The following HIF3A variants were observed in gnomAD, a reference collection of about 807,000 sequenced individuals.
HIF3A encodes hypoxia inducible factor 3 subunit alpha, also known as hypoxia-inducible factor 3-alpha.
In HIF3A, 41 loss-of-function variants were observed where a neutral mutation model predicts 67.2. That is an observed-to-expected ratio of 0.61 (90% CI 0.48 to 0.79). HIF3A has a LOEUF of 0.79. Among genes scored for constraint, HIF3A ranks in the 30% least tolerant of loss-of-function variants. The probability of loss-of-function intolerance (pLI) is 0.00; values close to 1 mark genes in which losing one functional copy is unlikely to be tolerated. For missense variants in HIF3A, 855 were observed against 898.0 expected, an observed-to-expected ratio of 0.95 and a Z score of 0.61; for synonymous variants, 356 against 374.8, an observed-to-expected ratio of 0.95 and a Z score of 0.58.
intron 6 of HIF3A, 88 bp downstream of exon 6, chr19:46,309,447 C>T (rs1969233303): frequency 5.3e-6 from 2 of 377,142 alleles, no homozygotes; most frequent in Non-Finnish European, 9.0e-6. Flanking sequence ...CTCTCTCCTT[C>T]TCTCTCTCTC....
At position 46,297,625 on chromosome 19, in the gene HIF3A, TCTC is replaced by T. The variant is rs1325104560; in HGVS notation, c.26+527_26+529del. 3.9e-5 allele frequency among the ~76,000 whole-genome samples: 6 copies of T among 151,944 alleles called. No homozygotes were observed. Among genetic ancestry groups the T allele is most frequent in the South Asian group, 2.1e-4 (1 of 4,826 alleles). ...GCTCCTGAGTTCAAGAGAGGAGAGATCTCCTCTAATAGTATGCTTCCTGACACA... is the reference window on the plus strand; with the variant it reads ...GCTCCTGAGTTCAAGAGAGGAGAGATCTCTAATAGTATGCTTCCTGACACA... On this transcript the variant is annotated intron_variant, in intron 1 of 14. Coordinates refer to ENST00000377670, the MANE Select transcript of HIF3A (RefSeq NM_152795.4). This position sits in a 1 kb window ranked among gnomAD's most constrained non-coding sequence, Gnocchi z 4.5.
rs1971952835 is a variant in HIF3A, at chr19:46,342,016, A to G, written c.*2394A>G. The G allele has an allele frequency of 6.6e-6, 1 of 152,152 alleles. No individual in the cohort carries two copies. The highest frequency in any genetic ancestry group is 2.4e-5 in the African/African-American group (1 of 41,420). The allele number at this position is 152,152 out of a possible 1,614,324, so 9.4% of individuals were successfully genotyped here. A position where few individuals can be genotyped will look rare whatever the true frequency, so the allele number is the denominator to read the frequency against. ...CTAGTTCTCCTAGATTCTGAACCTC[A>G]TGACCTGTACCACTCACTAGTTCCA... On this transcript the variant is annotated 3_prime_UTR_variant, in exon 15 of 15. Coordinates refer to ENST00000377670, the MANE Select transcript of HIF3A (RefSeq NM_152795.4).
intron 12 of HIF3A, among the ~76,000 whole-genome samples, chr19:46,329,821 T>C (rs754977197): frequency 8.6e-5 from 13 of 150,896 alleles, no homozygotes; most frequent in African/African-American, 1.2e-4. Context: ...CTAAGCCGGG[T>C]GTGGTGGTGC....
At chr19:46,309,778 C>T (rs997280573) in intron 6 of HIF3A, among the ~76,000 whole-genome samples, 8 of 152,102 alleles carry the variant, frequency 5.3e-5, no homozygotes, top group Non-Finnish European at 1.0e-4. Context: ...GCCCAGCACA[C>T]AGGAAGCATT....
At position 46,339,709 on chromosome 19, in the gene HIF3A, G is replaced by A. The variant is rs1042617661; in HGVS notation, c.*87G>A. On this transcript the variant is annotated 3_prime_UTR_variant, in exon 15 of 15. Transcript: ENST00000377670. The stretch of plus-strand genomic sequence containing the variant: ...CCGGCAGCCAACGCACAGGATGGGG[G>A]CGCCAGGAGAGGGGCCCCTCTCTCC... 6.2e-6 allele frequency: 6 copies of A among 974,850 alleles called. No individual in the cohort carries two copies. Among genetic ancestry groups the A allele is most frequent in the Non-Finnish European group, 8.9e-6 (6 of 672,974 alleles). The allele number at this position is 974,850 out of a possible 1,614,324, so 60.4% of individuals were successfully genotyped here.
chr19:46,308,421 G>C, intron 4 of HIF3A, 116 bp downstream of exon 4: 5 of 734,348 alleles, frequency 6.8e-6, no homozygotes, highest in Non-Finnish European at 1.2e-5. Flanking sequence ...AGTAGGAAGA[G>C]GAGAGATGGC....
rs778574573 is a variant in HIF3A at position 46,334,989 on chromosome 19, G to A, written c.1912+3G>A. ...CCTGAACCTGAATGAGCCCCTGGGT[G>A]AGTAGCAACCTGGGTATCCAGAGCC... On this transcript the variant is annotated splice_donor_region_variant and intron_variant, in intron 14 of 14. Coordinates refer to ENST00000377670, the MANE Select transcript of HIF3A (RefSeq NM_152795.4). The A allele has an allele frequency of 6.2e-7, 1 of 1,601,342 alleles. No homozygotes were observed. Among genetic ancestry groups the A allele is most frequent in the Non-Finnish European group, 8.5e-7 (1 of 1,173,668 alleles).
intron 14 of HIF3A, among the ~76,000 whole-genome samples, chr19:46,335,247 C>CATTT (rs374748726): frequency 0.17 from 24,244 of 146,208 alleles, 2,090 homozygotes; most frequent in African/African-American, 0.19. Flanking sequence ...CCTATGATCA[C>CATTT]ATTTATTTAT....
Position 46,312,586 on chromosome 19 carries a change from G to T in HIF3A, c.958G>T (p.Ala320Ser), listed in dbSNP as rs1969538400. 6.2e-7 allele frequency: 1 copy of T among 1,609,414 alleles called. No individual in the cohort carries two copies. Among genetic ancestry groups the T allele is most frequent in the African/African-American group, 1.3e-5 (1 of 74,720 alleles). ...SGGYLWTQTQ[A>S]TVVSGGRGPQ... The stretch of plus-strand genomic sequence containing the variant: ...TGGCTACCTGTGGACCCAGACCCAG[G>T]CCACAGTGGTGTCAGGGGGACGGGG... The change falls in exon 8 of 15, where the codon GCC (alanine) becomes TCC (serine). Residue 320 changes from alanine to serine, a missense_variant. Transcript: ENST00000377670.
chr19:46,338,498 C>T (rs555008734), intron 14 of HIF3A: 62 of 1,139,890 alleles, frequency 5.4e-5, no homozygotes, highest in African/African-American at 1.0e-4. Flanking sequence ...CCACCACGCC[C>T]GACAGTAAAT....
At position 46,339,567 on chromosome 19, in the gene HIF3A, C is replaced by G. The variant is rs1971856491; in HGVS notation, c.1955C>G (p.Thr652Ser). ...SLLSPYSDED[T>S]TQPGGPFQPR... ...CTCTCTCCGTACTCAGACGAGGACA[C>G]TACCCAGCCCGGGGGCCCCTTCCAG... Residue 652 changes from threonine to serine, a missense_variant, in exon 15 of 15, where the codon ACT (threonine) becomes AGT (serine). This residue lies in a region of HIF3A where 199 missense variants were observed against 193.8 expected (regional missense o/e 1.03). Transcript: ENST00000377670. 5 of 1,609,866 alleles carry G rather than the reference C, an allele frequency of 3.1e-6. No homozygotes were observed. The highest frequency in any genetic ancestry group is 3.3e-5 in the Admixed American group (2 of 59,740).
chr19:46,327,159 A>AT (rs1970845325), intron 11 of HIF3A, among the ~76,000 whole-genome samples: 1 of 151,708 alleles, frequency 6.6e-6, no homozygotes, highest in African/African-American at 2.4e-5. Flanking sequence ...TGTCCCAAAA[A>AT]AAATATATAT....
At chr19:46,309,056 G>A in intron 5 of HIF3A, 95 bp from the exon 6 acceptor site, 1 of 1,058,074 alleles carries the variant, frequency 9.5e-7, no homozygotes, top group Non-Finnish European at 1.4e-6. Flanking sequence ...TGGAATCTCA[G>A]CTCCCTGATG....
At chr19:46,316,462 T>C (rs537074011) in intron 8 of HIF3A, among the ~76,000 whole-genome samples, 8 of 152,156 alleles carry the variant, frequency 5.3e-5, no homozygotes, top group Non-Finnish European at 1.2e-4. Flanking sequence ...TTTCACCATT[T>C]AGAAATGCAG....
intron 13 of HIF3A, 81 bp downstream of exon 13, chr19:46,331,354 G>T: frequency 8.9e-7 from 1 of 1,121,860 alleles, no homozygotes; most frequent in Non-Finnish European, 1.4e-6. Context: ...TAGGAAACCA[G>T]AGAGGGGCAG....
At position 46,329,369 on chromosome 19, in the gene HIF3A, C is replaced by G; in HGVS notation, c.1603C>G (p.Leu535Val). The change falls in exon 12 of 15, where the codon CTT becomes GTT. Residue 535 changes from leucine to valine, a missense_variant. This residue lies in a region of HIF3A where 199 missense variants were observed against 193.8 expected (regional missense o/e 1.03). Transcript: ENST00000377670. ...RSFHGLSPPALEPSLLPRWGS... is the reference protein window; with the variant it reads ...RSFHGLSPPAVEPSLLPRWGS... ...CTTCCATGGCCTGTCACCTCCAGCC[C>G]TTGAGCCCTCCCTGCTACCCCGCTG... The G allele has an allele frequency of 1.2e-6, 2 of 1,612,606 alleles. No individual in the cohort carries two copies. The highest frequency in any genetic ancestry group is 2.2e-5 in the South Asian group (2 of 90,940).
chr19:46,343,179 G>A lies in HIF3A; in HGVS notation c.*3557G>A, dbSNP rs1384677922. On this transcript the variant is annotated 3_prime_UTR_variant, in exon 15 of 15. Coordinates refer to ENST00000377670, the MANE Select transcript of HIF3A (RefSeq NM_152795.4). The stretch of plus-strand genomic sequence containing the variant: ...TACTCTTGGTCTCCCACAGGAAAAG[G>A]CCTCCCCCCTTCTTAGCCCCATTTA... 1 of 152,892 alleles carries A rather than the reference G, an allele frequency of 6.5e-6. No individual in the cohort carries two copies. The highest frequency in any genetic ancestry group is 2.4e-5 in the African/African-American group (1 of 41,426). The allele number at this position is 152,892 out of a possible 1,614,324, so 9.5% of individuals were successfully genotyped here. A position where few individuals can be genotyped will look rare whatever the true frequency, so the allele number is the denominator to read the frequency against.
intron 14 of HIF3A, among the ~76,000 whole-genome samples, chr19:46,336,829 A>C (rs1234183485): frequency 6.6e-6 from 1 of 152,160 alleles, no homozygotes; most frequent in African/African-American, 2.4e-5. Flanking sequence ...TCTACTAAAA[A>C]TACAAAAATT....
chr19:46,298,528 C>T (rs1276584964), intron 1 of HIF3A: 1 of 1,265,932 alleles, frequency 7.9e-7, no homozygotes, highest in Non-Finnish European at 1.0e-6. Context: ...AGTGGGCCCC[C>T]AACACCTCCT....
Sources: allele counts gnomAD v4.1 joint callset (sites outside exome capture counted in the v4.1 genomes callset), GRCh38; gene constraint gnomAD v4.1.1; regional missense constraint gnomAD v4.1.1; non-coding constraint Gnocchi (gnomAD v3.1); transcripts MANE v1.5; gene names NCBI Gene and HGNC (gene_info 2026-07-23, HGNC 2026-07-21).